Variants in KDM3A observed in about 807,000 individuals in gnomAD.
KDM3A encodes the protein lysine demethylase 3A.
In KDM3A, 60 loss-of-function variants were observed where a neutral mutation model predicts 158.0. The ratio of observed to expected loss-of-function variants is 0.38; its 90% confidence interval spans 0.31 to 0.47. The LOEUF (loss-of-function observed/expected upper bound fraction) is 0.47. Ranked by LOEUF, KDM3A falls within the 20% of genes least tolerant of loss-of-function variation. The pLI is 0.99. For synonymous variants in KDM3A, 608 were observed against 549.3 expected, an observed-to-expected ratio of 1.11 and a Z score of -1.49; for missense variants, 1,319 against 1,574.3, an observed-to-expected ratio of 0.84 and a Z score of 2.74.
intron 9 of KDM3A, among the ~76,000 whole-genome samples, chr2:86,465,468 C>A (rs1673096050): frequency 6.6e-6 from 1 of 151,996 alleles, no homozygotes; most frequent in Non-Finnish European, 1.5e-5. Flanking sequence ...GTGGTACAGT[C>A]AAAGTTTAAG....
intron 4 of KDM3A, among the ~76,000 whole-genome samples, chr2:86,453,430 A>G (rs1475410960): frequency 2.0e-5 from 3 of 152,128 alleles, no homozygotes; most frequent in Non-Finnish European, 4.4e-5. Flanking sequence ...TGGCATGTGG[A>G]AAAATTGGGA....
upstream of KDM3A, among the ~76,000 whole-genome samples, chr2:86,438,536 C>T (rs1682528977): frequency 6.6e-6 from 1 of 151,880 alleles, no homozygotes; most frequent in Non-Finnish European, 1.5e-5. Flanking sequence ...TGAGGGAATG[C>T]ATATGTAAAA....
intron 1 of KDM3A, among the ~76,000 whole-genome samples, chr2:86,441,669 G>A (rs911721253): frequency 6.6e-6 from 1 of 150,886 alleles, no homozygotes; most frequent in African/African-American, 2.4e-5. Flanking sequence ...CCAGCCGCCC[G>A]GGACCGGCTC....
rs543985497 is a variant in KDM3A at position 86,442,508 on chromosome 2, C to G, written c.186+275C>G. ...CGGTGCTGTGTCCCACCAGGACTGT[C>G]TCATCTTTACTGCAGAGGAGGAGGA... On this transcript the variant is annotated intron_variant, in intron 2 of 25. Coordinates refer to ENST00000312912, the MANE Select transcript of KDM3A (RefSeq NM_018433.6). 5.2e-5 allele frequency: 17 copies of G among 325,112 alleles called. No homozygotes were observed. The South Asian group carries it at 7.4e-4, about 14-fold the overall frequency. The allele number at this position is 325,112 out of a possible 1,614,324, so 20.1% of individuals were successfully genotyped here.
chr2:86,479,521 A>G (rs1673821988), intron 15 of KDM3A: 1 of 152,196 alleles, frequency 6.6e-6, no homozygotes, highest in African/African-American at 2.4e-5. Context: ...AATATTGATG[A>G]TTGGGCATCA....
At chr2:86,480,475 C>A in intron 16 of KDM3A, 113 bp downstream of exon 16, 1 of 828,968 alleles carries the variant, frequency 1.2e-6, no homozygotes, top group Non-Finnish European at 1.8e-6. Flanking sequence ...TCTCTGGAGT[C>A]ATCCTGGAAC....
intron 8 of KDM3A, among the ~76,000 whole-genome samples, chr2:86,459,198 G>C (rs1672826123): frequency 1.3e-5 from 2 of 152,102 alleles, no homozygotes; most frequent in Non-Finnish European, 2.9e-5. Flanking sequence ...AGGAATAGGG[G>C]TCCCTGGTCT....
intron 8 of KDM3A, among the ~76,000 whole-genome samples, chr2:86,457,491 C>G (rs1411722388): frequency 6.6e-6 from 1 of 152,114 alleles, no homozygotes; most frequent in African/African-American, 2.4e-5. Flanking sequence ...TTTGCTAGTT[C>G]CAGATCTTGG....
intron 3 of KDM3A, 119 bp downstream of exon 3, chr2:86,450,081 C>A: frequency 8.9e-7 from 1 of 1,118,204 alleles, no homozygotes; most frequent in African/African-American, 1.6e-5. Context: ...GATCTCCTGC[C>A]AGCCCTTTTA....
chr2:86,478,322 CT>C (rs1391323305), intron 14 of KDM3A, 57 bp downstream of exon 14: 1 of 1,294,286 alleles, frequency 7.7e-7, no homozygotes, highest in Non-Finnish European at 1.1e-6. Flanking sequence ...CTCATGGGAG[CT>C]GGTAGTTTTG....
intron 8 of KDM3A, among the ~76,000 whole-genome samples, chr2:86,458,459 A>G (rs1195223325): frequency 6.6e-6 from 1 of 152,220 alleles, no homozygotes; most frequent in Non-Finnish European, 1.5e-5. Flanking sequence ...TTACAAGGTA[A>G]TTTCAAGTAC....
At chr2:86,469,896 C>T (rs1673324364) in intron 10 of KDM3A, among the ~76,000 whole-genome samples, 1 of 152,130 alleles carries the variant, frequency 6.6e-6, no homozygotes, top group South Asian at 2.1e-4. Context: ...TGAAAACATC[C>T]TAAAATGTAG....
intron 23 of KDM3A, chr2:86,489,879 CTG>C (rs59338778): frequency 0.13 from 57,462 of 440,234 alleles, 4,361 homozygotes; most frequent in Middle Eastern, 0.16. Flanking sequence ...TCTTTTATGT[CTG>C]TGTTTTGTGT....
chr2:86,449,709 A>G, intron 2 of KDM3A, 98 bp from the exon 3 acceptor site: 1 of 1,317,530 alleles, frequency 7.6e-7, no homozygotes. Flanking sequence ...TAAAGGATTC[A>G]AATAGAATAA....
intron 11 of KDM3A, among the ~76,000 whole-genome samples, chr2:86,474,203 A>T (rs1379946272): frequency 6.6e-6 from 1 of 152,104 alleles, no homozygotes; most frequent in Non-Finnish European, 1.5e-5. Flanking sequence ...TTGAGTGCAA[A>T]ATATACCTCT....
At chr2:86,441,274 T>G (rs1452596159), upstream of KDM3A, 1 of 151,130 alleles carries the variant, frequency 6.6e-6, no homozygotes, top group African/African-American at 2.4e-5. Flanking sequence ...CCCCGGAGCC[T>G]CGCCCAGCTC....
chr2:86,454,770 T>G (rs914767436), intron 4 of KDM3A, among the ~76,000 whole-genome samples: 6 of 152,208 alleles, frequency 3.9e-5, no homozygotes, highest in African/African-American at 1.4e-4. Context: ...ATTGACCAGC[T>G]GTTTGTTTGC....
Position 86,467,837 on chromosome 2 carries a change from A to G in KDM3A, c.1519+954A>G, listed in dbSNP as rs180745158. On this transcript the variant is annotated intron_variant, in intron 10 of 25. Transcript: ENST00000312912. ...GGAGTTTGAGACCAGCCTGGGCAAC[A>G]TAGTGAGACCCCATCTCCACAAAAA... 3.7e-3 allele frequency among the ~76,000 whole-genome samples: 562 copies of G among 152,274 alleles called. 2 individuals are homozygous for G. Among genetic ancestry groups the G allele is most frequent in the Middle Eastern group, 0.01 (3 of 294 alleles).
intron 4 of KDM3A, among the ~76,000 whole-genome samples, chr2:86,453,716 A>G (rs1573152940): frequency 1.3e-5 from 2 of 152,338 alleles, no homozygotes; most frequent in East Asian, 3.9e-4. Flanking sequence ...CATTCTGGTA[A>G]TTAATGTTGA....
Sources: gnomAD v4.1 joint callset for allele counts (sites outside exome capture counted in the v4.1 genomes callset) on GRCh38, gnomAD v4.1.1 for gene constraint, MANE v1.5 for transcripts, NCBI Gene and HGNC (gene_info 2026-07-23, HGNC 2026-07-21) for gene names.